TTC27: variants seen among roughly 807,000 people sequenced by gnomAD.
TTC27 encodes tetratricopeptide repeat domain 27.
Under a neutral mutation model 115.9 loss-of-function variants are expected in TTC27, and 79 were observed. The observed-to-expected ratio is 0.68, with a 90% CI of 0.57 to 0.82. The LOEUF (loss-of-function observed/expected upper bound fraction) is 0.82. TTC27 is among the 40% of genes least tolerant of loss of function. TTC27 has a pLI of 0.00. For synonymous variants in TTC27, 401 were observed against 356.0 expected (o/e 1.13, Z -1.42); for missense variants, 1,054 against 993.1 (o/e 1.06, Z -0.82).
At chr2:32,713,199 G>T (rs1280796093) in intron 10 of TTC27, among the ~76,000 whole-genome samples, 1 of 152,016 alleles carries the variant, frequency 6.6e-6, no homozygotes, top group Non-Finnish European at 1.5e-5. Context: ...TAAAATCTCT[G>T]CTCGTTATAG....
chr2:32,645,029 G>A (rs1664804018), intron 4 of TTC27, among the ~76,000 whole-genome samples: 1 of 151,796 alleles, frequency 6.6e-6, no homozygotes, highest in African/African-American at 2.4e-5. Context: ...ATTAAAAATG[G>A]CTGATTTGAT....
chr2:32,655,627 GA>G (rs1334484221), intron 5 of TTC27, among the ~76,000 whole-genome samples: 1 of 152,088 alleles, frequency 6.6e-6, no homozygotes, highest in African/African-American at 2.4e-5. Flanking sequence ...TGGACTCTTG[GA>G]AGTTTGCATC....
intron 5 of TTC27, among the ~76,000 whole-genome samples, chr2:32,653,843 T>TA (rs1308536986): frequency 6.6e-6 from 1 of 152,202 alleles, no homozygotes; most frequent in Non-Finnish European, 1.5e-5. Context: ...AGGTCACAAA[T>TA]ATTCATTTCC....
intron 10 of TTC27, among the ~76,000 whole-genome samples, chr2:32,724,155 G>A (rs765158670): frequency 1.4e-4 from 22 of 151,970 alleles, no homozygotes; most frequent in Non-Finnish European, 2.1e-4. Context: ...CCCTGGAGAA[G>A]TTTTGGGAGA....
intron 4 of TTC27, among the ~76,000 whole-genome samples, chr2:32,642,793 A>C (rs1387397449): frequency 6.6e-5 from 10 of 151,628 alleles, no homozygotes. Context: ...TCAGCCTCCC[A>C]AGTAACTTGT....
At chr2:32,649,671 G>A (rs551263428) in intron 4 of TTC27, among the ~76,000 whole-genome samples, 9 of 151,596 alleles carry the variant, frequency 5.9e-5, no homozygotes, top group African/African-American at 1.9e-4. Flanking sequence ...CAAGTCTCCC[G>A]AGTAGCTGGG....
chr2:32,813,877 G>T (rs906479578), intron 18 of TTC27, among the ~76,000 whole-genome samples: 2 of 152,194 alleles, frequency 1.3e-5, no homozygotes, highest in Non-Finnish European at 2.9e-5. Context: ...GAAAGTCAAT[G>T]TAGAAAAGTT....
intron 12 of TTC27, among the ~76,000 whole-genome samples, chr2:32,755,354 G>T (rs959597796): frequency 5.3e-5 from 8 of 152,210 alleles, no homozygotes; most frequent in African/African-American, 1.9e-4. Context: ...GCCAAGGCTG[G>T]CGGATCACTC....
At chr2:32,784,114 A>G (rs1297697151) in intron 15 of TTC27, among the ~76,000 whole-genome samples, 1 of 152,220 alleles carries the variant, frequency 6.6e-6, no homozygotes, top group Non-Finnish European at 1.5e-5. Context: ...AGTCCCTGTC[A>G]TAGTTGTAGA....
intron 13 of TTC27, among the ~76,000 whole-genome samples, chr2:32,768,516 C>T (rs997746147): frequency 2.0e-5 from 3 of 152,172 alleles, no homozygotes; most frequent in Non-Finnish European, 4.4e-5. Flanking sequence ...GCTATGTCAA[C>T]CTATCAACAG....
intron 4 of TTC27, among the ~76,000 whole-genome samples, chr2:32,641,362 A>C (rs1239334694): frequency 3.9e-5 from 6 of 152,164 alleles, no homozygotes; most frequent in African/African-American, 1.4e-4. Context: ...TGTTTCATTA[A>C]ATGGACATGA....
rs1559209920 is a variant in TTC27 at position 32,695,748 on chromosome 2, A to AAAAAAAAAAT, written c.1120-7058_1120-7057insAAAAAAAATA. ...AAAAAAAAAAAAAAAAAAAAAAAAA[A>AAAAAAAAAAT]AGCTGGGTGTGGTGGCGGGTGCCTG... On this transcript the variant is annotated intron_variant, in intron 9 of 19. Transcript: ENST00000317907. Among the ~76,000 whole-genome samples, 2 of 108,688 alleles carry AAAAAAAAAAT rather than the reference A, an allele frequency of 1.8e-5. 1 individual carries two copies. The highest frequency in any genetic ancestry group is 7.5e-5 in the African/African-American group (2 of 26,686). The allele number at this position is 108,688 out of a possible 152,430, so 71.3% of individuals were successfully genotyped here. A position where few individuals can be genotyped will look rare whatever the true frequency, so the allele number is the denominator to read the frequency against.
At chr2:32,762,679 G>C (rs984757312) in intron 13 of TTC27, among the ~76,000 whole-genome samples, 1 of 151,880 alleles carries the variant, frequency 6.6e-6, no homozygotes, top group Non-Finnish European at 1.5e-5. Flanking sequence ...TGTCACCCAG[G>C]CTGGAGTGCA....
chr2:32,677,941 T>C (rs1016044844), intron 8 of TTC27, among the ~76,000 whole-genome samples: 1 of 152,228 alleles, frequency 6.6e-6, no homozygotes, highest in East Asian at 1.9e-4. Flanking sequence ...GTGGCACATA[T>C]TGAATTTCTT....
intron 12 of TTC27, among the ~76,000 whole-genome samples, chr2:32,754,373 CT>C (rs1669130720): frequency 6.7e-6 from 1 of 148,684 alleles, no homozygotes; most frequent in African/African-American, 2.5e-5. Context: ...CTTCAAGCTT[CT>C]GTTTAACAAA....
chr2:32,631,214 A>T (rs1664192224), intron 2 of TTC27, among the ~76,000 whole-genome samples: 1 of 152,184 alleles, frequency 6.6e-6, no homozygotes. Flanking sequence ...GAGGCCGAAG[A>T]ATCGCTTGAA....
chr2:32,661,090 G>A (rs138509561), intron 5 of TTC27, among the ~76,000 whole-genome samples: 2,123 of 152,212 alleles, frequency 0.014, 23 homozygotes, highest in Middle Eastern at 0.031. Context: ...GATGTTTGGC[G>A]TTATTTCTGA....
chr2:32,656,722 G>T (rs1025074437), intron 5 of TTC27, among the ~76,000 whole-genome samples: 1 of 152,170 alleles, frequency 6.6e-6, no homozygotes, highest in Non-Finnish European at 1.5e-5. Flanking sequence ...TTACAAACTT[G>T]ATGTGTGAGG....
chr2:32,640,938 C>T (rs547581864), intron 4 of TTC27, among the ~76,000 whole-genome samples: 44 of 152,048 alleles, frequency 2.9e-4, no homozygotes, highest in Middle Eastern at 6.8e-3. Flanking sequence ...GCCGTGATTG[C>T]GCCATTGCAC....
Sources: gnomAD v4.1 joint callset for allele counts (sites outside exome capture counted in the v4.1 genomes callset) on GRCh38, gnomAD v4.1.1 for gene constraint, MANE v1.5 for transcripts, NCBI Gene and HGNC (gene_info 2026-07-23, HGNC 2026-07-21) for gene names.